The following SLC14A2 variants were observed in gnomAD, a reference collection of about 807,000 sequenced individuals.
SLC14A2 encodes the protein urea transporter 2.
In SLC14A2, 91 loss-of-function variants were observed where a neutral mutation model predicts 104.6. The observed-to-expected ratio is 0.87, with a 90% CI of 0.73 to 1.04. The LOEUF is 1.04. Among genes scored for constraint, SLC14A2 ranks in the 50% least tolerant of loss-of-function variants. The pLI is 0.00. For synonymous variants in SLC14A2, 476 were observed against 466.4 expected (o/e 1.02, Z -0.27); for missense variants, 1,189 against 1,156.0 (o/e 1.03, Z -0.41).
intron 2 of SLC14A2, among the ~76,000 whole-genome samples, chr18:45,540,856 C>T (rs1457102742): frequency 6.6e-6 from 1 of 152,128 alleles, no homozygotes; most frequent in Non-Finnish European, 1.5e-5. Context: ...CAGGGCTGGG[C>T]CTGCAGTAAA....
intron 2 of SLC14A2, among the ~76,000 whole-genome samples, chr18:45,579,687 C>T (rs776973824): frequency 4.6e-5 from 7 of 152,218 alleles, no homozygotes; most frequent in Non-Finnish European, 7.3e-5. Context: ...CTGCACCAGG[C>T]CCACAACAGG....
At chr18:45,536,999 G>A (rs563159078) in intron 2 of SLC14A2, among the ~76,000 whole-genome samples, 65 of 144,722 alleles carry the variant, frequency 4.5e-4, no homozygotes, top group African/African-American at 1.6e-3. Context: ...AGCTCTCATC[G>A]GGTGGTTCGT....
intron 1 of SLC14A2, among the ~76,000 whole-genome samples, chr18:45,459,972 C>T (rs2087014117): frequency 6.6e-6 from 1 of 152,218 alleles, no homozygotes; most frequent in Non-Finnish European, 1.5e-5. Flanking sequence ...CCACCAGGTA[C>T]CTGGGGCTCT....
At chr18:45,319,737 T>C (rs2085166288) in intron 1 of SLC14A2, among the ~76,000 whole-genome samples, 1 of 152,214 alleles carries the variant, frequency 6.6e-6, no homozygotes, top group Non-Finnish European at 1.5e-5. Flanking sequence ...TGATCTGCAG[T>C]TGTCCAGAAT....
chr18:45,666,247 A>AC (rs1456757838), intron 12 of SLC14A2, 28 bp downstream of exon 12: 1 of 1,464,240 alleles, frequency 6.8e-7, no homozygotes, highest in Non-Finnish European at 9.6e-7. Flanking sequence ...TGAATCAGGG[A>AC]CAGCGCCCTA....
chr18:45,423,348 G>A (rs767107932), intron 1 of SLC14A2, among the ~76,000 whole-genome samples: 11 of 152,218 alleles, frequency 7.2e-5, no homozygotes, highest in South Asian at 4.1e-4. Context: ...AAATCTCTGC[G>A]ACAGTTTGAC....
chr18:45,572,894 A>G (rs983604756), intron 2 of SLC14A2, among the ~76,000 whole-genome samples: 1 of 152,214 alleles, frequency 6.6e-6, no homozygotes, highest in Non-Finnish European at 1.5e-5. Flanking sequence ...AAAATTCTAT[A>G]AGGATGAGTA....
At chr18:45,318,830 T>C (rs2085157151) in intron 1 of SLC14A2, among the ~76,000 whole-genome samples, 1 of 151,130 alleles carries the variant, frequency 6.6e-6, no homozygotes, top group African/African-American at 2.4e-5. Flanking sequence ...GGCTGGGACA[T>C]CACTCAGCCC....
At chr18:45,244,014 C>A (rs1029837181) in intron 1 of SLC14A2, among the ~76,000 whole-genome samples, 1 of 152,032 alleles carries the variant, frequency 6.6e-6, no homozygotes, top group Non-Finnish European at 1.5e-5. Flanking sequence ...TAATTGGAGA[C>A]CATTCCTGGC....
intron 1 of SLC14A2, among the ~76,000 whole-genome samples, chr18:45,341,644 A>G (rs1267002996): frequency 9.3e-6 from 1 of 107,924 alleles, no homozygotes; most frequent in Non-Finnish European, 1.7e-5. Context: ...TTACTTGGCC[A>G]CCTAGTGGTG....
chr18:45,507,202 G>C (rs926202109), intron 2 of SLC14A2: 25 of 152,280 alleles, frequency 1.6e-4, no homozygotes, highest in Admixed American at 1.6e-3. Flanking sequence ...GGAGGGGAGG[G>C]TTCAAGTAGA....
chr18:45,606,748 CAAAACAAAAACAAAA>C (rs869246181), intron 2 of SLC14A2, among the ~76,000 whole-genome samples: 1 of 87,804 alleles, frequency 1.1e-5, no homozygotes, highest in Non-Finnish European at 2.4e-5. Flanking sequence ...AAAAAAAAAA[CAAAACAAAAACAAAA>C]AAAAAAAACA....
chr18:45,285,531 C>T lies in SLC14A2; in HGVS notation c.-125+72340C>T, dbSNP rs568227474. ...CCTCCAGGTTGGAGCAATTCTCCTG[C>T]CTCAGCCTTCCGAGTAGCTGGGATT... On this transcript the variant is annotated intron_variant, in intron 1 of 20. Coordinates refer to the SLC14A2 transcript ENST00000586448. Among the ~76,000 whole-genome samples the T allele has an allele frequency of 1.2e-3, 184 of 152,280 alleles. 1 individual carries two copies. Among genetic ancestry groups the T allele is most frequent in the South Asian group, 0.011 (53 of 4,828 alleles).
At chr18:45,385,871 G>A (rs1303295741) in intron 1 of SLC14A2, among the ~76,000 whole-genome samples, 1 of 152,184 alleles carries the variant, frequency 6.6e-6, no homozygotes, top group East Asian at 1.9e-4. Context: ...TCAGTTGATA[G>A]CATCAGAAAA....
At chr18:45,374,198 G>A (rs923910790) in intron 1 of SLC14A2, among the ~76,000 whole-genome samples, 2 of 152,174 alleles carry the variant, frequency 1.3e-5, no homozygotes, top group African/African-American at 4.8e-5. Flanking sequence ...AAAAAGATAT[G>A]CTGAGTGACA....
chr18:45,451,227 C>A (rs1475381255), intron 1 of SLC14A2, among the ~76,000 whole-genome samples: 1 of 152,008 alleles, frequency 6.6e-6, no homozygotes. Flanking sequence ...ACTGAATGCC[C>A]AGTTGAAAAT....
intron 10 of SLC14A2, among the ~76,000 whole-genome samples, chr18:45,651,264 C>T (rs561711818): frequency 2.6e-5 from 4 of 152,190 alleles, no homozygotes; most frequent in East Asian, 3.9e-4. Flanking sequence ...TGGCACATTT[C>T]GAGAGGGTCT....
chr18:45,209,201 C>T (rs957231679), upstream of SLC14A2, among the ~76,000 whole-genome samples: 3 of 131,438 alleles, frequency 2.3e-5, no homozygotes, highest in Non-Finnish European at 3.2e-5. Flanking sequence ...AAAAAAAAAT[C>T]AGGTGGTGGC....
chr18:45,518,928 G>C (rs1245120744), intron 2 of SLC14A2, among the ~76,000 whole-genome samples: 1 of 152,152 alleles, frequency 6.6e-6, no homozygotes, highest in Admixed American at 6.5e-5. Flanking sequence ...GTTAAGCTGA[G>C]AGCCCCAGCT....
Sources: gnomAD v4.1 joint callset for allele counts (sites outside exome capture counted in the v4.1 genomes callset) on GRCh38, gnomAD v4.1.1 for gene constraint, MANE v1.5 for transcripts, NCBI Gene and HGNC (gene_info 2026-07-23, HGNC 2026-07-21) for gene names.